SLC4A10: variants seen among roughly 807,000 people sequenced by gnomAD.
SLC4A10 encodes the protein solute carrier family 4 member 10.
SLC4A10 carries 42 observed loss-of-function variants against 137.7 expected under a neutral mutation model. The observed-to-expected ratio is 0.30, with a 90% CI of 0.24 to 0.39. The LOEUF (loss-of-function observed/expected upper bound fraction) is 0.39. Ranked by LOEUF, SLC4A10 falls within the 10% of genes least tolerant of loss-of-function variation. SLC4A10 has a pLI of 1.00. For missense variants in SLC4A10, 925 were observed against 1,355.0 expected (o/e 0.68, Z 4.98); for synonymous variants, 474 against 464.1 (o/e 1.02, Z -0.27).
chr2:161,966,696 C>T (rs958378887), intron 23 of SLC4A10, among the ~76,000 whole-genome samples: 6 of 150,830 alleles, frequency 4.0e-5, no homozygotes, highest in African/African-American at 1.5e-4. Context: ...TGCAGTGAGC[C>T]ACTGCACTCC....
chr2:161,806,168 G>A (rs1029069691), intron 3 of SLC4A10, among the ~76,000 whole-genome samples: 1 of 152,136 alleles, frequency 6.6e-6, no homozygotes, highest in Non-Finnish European at 1.5e-5. Context: ...GGCTGGAGCA[G>A]CTGAAACACA....
rs1482643839 is a variant in SLC4A10, at chr2:161,894,670, C to A, written c.1195-9C>A. 1 of 1,340,616 alleles carries A rather than the reference C, an allele frequency of 7.5e-7. No homozygotes were observed. Among genetic ancestry groups the A allele is most frequent in the Non-Finnish European group, 9.7e-7 (1 of 1,025,888 alleles). The allele number at this position is 1,340,616 out of a possible 1,614,324, so 83.0% of individuals were successfully genotyped here. ...TAAGCTATAAATAATATTTCTATTT[C>A]TTCTAAAGGTATTTCATGATGTTGC... On this transcript the variant is annotated splice_polypyrimidine_tract_variant and intron_variant, in intron 10 of 26. Coordinates refer to ENST00000446997, the MANE Select transcript of SLC4A10 (RefSeq NM_001178015.2).
At chr2:161,960,993 A>C (rs1696607718) in intron 21 of SLC4A10, among the ~76,000 whole-genome samples, 1 of 152,194 alleles carries the variant, frequency 6.6e-6, no homozygotes, top group South Asian at 2.1e-4. Context: ...TGTCCCTTGA[A>C]AAGTCTTGTT....
intron 1 of SLC4A10, among the ~76,000 whole-genome samples, chr2:161,679,255 A>C (rs1379590433): frequency 6.6e-6 from 1 of 152,138 alleles, no homozygotes; most frequent in African/African-American, 2.4e-5. Flanking sequence ...TATCATGTTT[A>C]ATGTGTGCAA....
intron 6 of SLC4A10, among the ~76,000 whole-genome samples, chr2:161,867,995 T>C (rs1042733269): frequency 6.6e-6 from 1 of 151,920 alleles, no homozygotes; most frequent in African/African-American, 2.4e-5. Flanking sequence ...TACCTCCATG[T>C]CTTCATCCCA....
intron 1 of SLC4A10, among the ~76,000 whole-genome samples, chr2:161,662,103 T>C (rs1574189597): frequency 6.6e-6 from 1 of 152,188 alleles, no homozygotes; most frequent in East Asian, 1.9e-4. Context: ...TTGGGTAATG[T>C]ATATATTCTT....
At chr2:161,722,728 C>A (rs976966850) in intron 1 of SLC4A10, among the ~76,000 whole-genome samples, 1 of 152,154 alleles carries the variant, frequency 6.6e-6, no homozygotes, top group African/African-American at 2.4e-5. Flanking sequence ...GGGGAAAATC[C>A]CCTTTGTCTG....
intron 1 of SLC4A10, among the ~76,000 whole-genome samples, chr2:161,712,088 T>C (rs901515683): frequency 6.6e-6 from 1 of 151,830 alleles, no homozygotes; most frequent in Admixed American, 6.6e-5. Context: ...CAGCCAAAAA[T>C]ATATGCTACA....
At chr2:161,972,076 G>A (rs943897433) in intron 23 of SLC4A10, among the ~76,000 whole-genome samples, 1 of 151,994 alleles carries the variant, frequency 6.6e-6, no homozygotes, top group Non-Finnish European at 1.5e-5. Context: ...CAGCTTTTTT[G>A]CATTTTACTC....
intron 15 of SLC4A10, among the ~76,000 whole-genome samples, chr2:161,941,152 A>G (rs1559586283): frequency 6.6e-6 from 1 of 152,224 alleles, no homozygotes; most frequent in South Asian, 2.1e-4. Flanking sequence ...CAATGTTCCT[A>G]ACATCACAAT....
intron 17 of SLC4A10, among the ~76,000 whole-genome samples, chr2:161,948,151 C>T (rs985343580): frequency 6.6e-6 from 1 of 152,096 alleles, no homozygotes; most frequent in Non-Finnish European, 1.5e-5. Flanking sequence ...AGTCCCTCCC[C>T]CTAACCCACC....
At chr2:161,767,223 T>TATATATACAC (rs2050995113) in intron 1 of SLC4A10, among the ~76,000 whole-genome samples, 1 of 125,478 alleles carries the variant, frequency 8.0e-6, no homozygotes, top group African/African-American at 3.2e-5. Context: ...TACACATATA[T>TATATATACAC]ATATATATAC....
chr2:161,691,034 T>A lies in SLC4A10; in HGVS notation c.48+66468T>A, dbSNP rs536360734. Among the ~76,000 whole-genome samples the A allele has an allele frequency of 2.1e-4, 32 of 152,238 alleles. 1 individual carries two copies. In the South Asian group the frequency reaches 6.6e-3, roughly 32 times the overall value. ...TATGGACATTAATTTGATTTCCATA[T>A]GCATATAGACACTATATATGTACAT... On this transcript the variant is annotated intron_variant, in intron 1 of 26. Transcript: ENST00000446997.
intron 1 of SLC4A10, among the ~76,000 whole-genome samples, chr2:161,675,406 A>G (rs1327057233): frequency 1.3e-5 from 2 of 152,214 alleles, no homozygotes; most frequent in African/African-American, 4.8e-5. Context: ...AAGGTTTCCT[A>G]CGATCCATGT....
intron 1 of SLC4A10, among the ~76,000 whole-genome samples, chr2:161,674,046 A>T (rs1288020171): frequency 2.0e-5 from 3 of 152,196 alleles, no homozygotes. Context: ...CACATTTAAA[A>T]ATAGGTAAGT....
intron 1 of SLC4A10, among the ~76,000 whole-genome samples, chr2:161,649,247 G>GGAAATT (rs1428248498): frequency 6.6e-6 from 1 of 152,190 alleles, no homozygotes; most frequent in Non-Finnish European, 1.5e-5. Context: ...TGTAGTCCCA[G>GGAAATT]CTACTCGGAA....
intron 26 of SLC4A10, among the ~76,000 whole-genome samples, chr2:161,979,801 AC>A (rs1210687014): frequency 6.6e-6 from 1 of 151,944 alleles, no homozygotes; most frequent in Non-Finnish European, 1.5e-5. Flanking sequence ...AGCCTTTGAC[AC>A]CCCCCATTCT....
chr2:161,825,870 C>A (rs1268377025), intron 3 of SLC4A10, among the ~76,000 whole-genome samples: 2 of 152,120 alleles, frequency 1.3e-5, no homozygotes, highest in East Asian at 3.8e-4. Flanking sequence ...TTATAGCCAG[C>A]CTCTGTGTGG....
At chr2:161,668,051 A>G (rs2039278680) in intron 1 of SLC4A10, among the ~76,000 whole-genome samples, 1 of 151,730 alleles carries the variant, frequency 6.6e-6, no homozygotes, top group Admixed American at 6.6e-5. Context: ...ATGCTGGCAC[A>G]TGGTGTTTGG....
Sources: allele counts gnomAD v4.1 joint callset (sites outside exome capture counted in the v4.1 genomes callset), GRCh38; gene constraint gnomAD v4.1.1; transcripts MANE v1.5; gene names NCBI Gene and HGNC (gene_info 2026-07-23, HGNC 2026-07-21).